AP3B2: variants seen among roughly 807,000 people sequenced by gnomAD.
AP3B2 encodes adaptor related protein complex 3 subunit beta 2.
AP3B2 carries 50 observed loss-of-function variants against 126.9 expected under a neutral mutation model. The observed-to-expected ratio is 0.39, with a 90% CI of 0.31 to 0.50. The LOEUF (loss-of-function observed/expected upper bound fraction) is 0.50. Among genes scored for constraint, AP3B2 ranks in the 20% least tolerant of loss-of-function variants. The pLI, the probability that AP3B2 is intolerant of heterozygous loss-of-function variation, is 0.79. For missense variants in AP3B2, 1,177 were observed against 1,426.4 expected, an observed-to-expected ratio of 0.83 and a Z score of 2.82; for synonymous variants, 541 against 565.0, an observed-to-expected ratio of 0.96 and a Z score of 0.60.
rs1278747583 is a variant in AP3B2, at chr15:82,680,424, G to A, written c.1055+48C>T. 1.4e-6 allele frequency: 2 copies of A among 1,449,060 alleles called. No individual in the cohort carries two copies. Among genetic ancestry groups the A allele is most frequent in the South Asian group, 1.4e-5 (1 of 70,768 alleles). 89.8% of individuals were successfully genotyped at this position (1,449,060 alleles called of 1,614,324 possible). A position where few individuals can be genotyped will look rare whatever the true frequency, so the allele number is the denominator to read the frequency against. ...GGGGGCGGAGCCGGGCAGCCCGTGG[G>A]GCGGGGCAGGAGGCGAGGGAGGGGG... is the stretch of plus-strand genomic sequence containing the variant. On this transcript the variant is annotated intron_variant, in intron 8 of 26. Transcript: ENST00000535359. The surrounding 1 kb of genome is among the most constrained non-coding windows in gnomAD (Gnocchi z 6.1).
At position 82,709,748 on chromosome 15, in the gene AP3B2, C is replaced by T. The variant is rs2048854118; in HGVS notation, c.-42G>A. ...CTTCGCCGAGGAGGAGGTTGCGGGGCCGGAGGCCGGCTGGAGCGGAGGAAG... is the reference window on the plus strand; with the variant it reads ...CTTCGCCGAGGAGGAGGTTGCGGGGTCGGAGGCCGGCTGGAGCGGAGGAAG... On this transcript the variant is annotated 5_prime_UTR_variant, in exon 1 of 27. Transcript: ENST00000535359. 7.1e-7 allele frequency: 1 copy of T among 1,414,798 alleles called. No individual in the cohort carries two copies. The allele number at this position is 1,414,798 out of a possible 1,614,324, so 87.6% of individuals were successfully genotyped here. A position where few individuals can be genotyped will look rare whatever the true frequency, so the allele number is the denominator to read the frequency against.
intron 15 of AP3B2, among the ~76,000 whole-genome samples, chr15:82,666,105 G>A (rs867858513): frequency 2.0e-5 from 3 of 152,220 alleles, no homozygotes; most frequent in African/African-American, 7.2e-5. Flanking sequence ...GAAAAAGAAC[G>A]AAAAGATACC....
chr15:82,662,285 GA>G, intron 23 of AP3B2, 33 bp from the exon 24 acceptor site: 3 of 1,514,474 alleles, frequency 2.0e-6, no homozygotes, highest in Non-Finnish European at 2.7e-6. Flanking sequence ...AGGGGAGAGG[GA>G]GGGCCACCAT....
At chr15:82,704,180 T>C (rs952708450) in intron 1 of AP3B2, among the ~76,000 whole-genome samples, 4 of 152,218 alleles carry the variant, frequency 2.6e-5, no homozygotes, top group Non-Finnish European at 5.9e-5. Context: ...CATGGCTCGT[T>C]GGGCAGCAAC....
At chr15:82,662,002 C>CT in intron 24 of AP3B2, 80 bp from the exon 25 acceptor site, 1 of 1,416,538 alleles carries the variant, frequency 7.1e-7, no homozygotes, top group Non-Finnish European at 9.8e-7. Flanking sequence ...AGAGGCACAG[C>CT]TTGGAGGCAG....
At position 82,666,945 on chromosome 15, in the gene AP3B2, G is replaced by A. The variant is rs376317265; in HGVS notation, c.1666-12C>T. 2.5e-6 allele frequency: 4 copies of A among 1,602,286 alleles called. No homozygotes were observed. In the Admixed American group the frequency reaches 5.0e-5, roughly 20 times the overall value. On this transcript the variant is annotated splice_polypyrimidine_tract_variant and intron_variant, in intron 14 of 26. Transcript: ENST00000535359. ...GTCAGCAGCTTGGTCTGGAGGAACAGGAAGAGGTGGGTCAGCTGACGGGGG... is the reference window on the plus strand; with the variant it reads ...GTCAGCAGCTTGGTCTGGAGGAACAAGAAGAGGTGGGTCAGCTGACGGGGG...
chr15:82,668,263 C>T (rs1478692903), intron 14 of AP3B2, among the ~76,000 whole-genome samples: 1 of 152,246 alleles, frequency 6.6e-6, no homozygotes, highest in Non-Finnish European at 1.5e-5. Context: ...CAAAGCAGCA[C>T]CTGCGATACT....
At chr15:82,663,481 A>C in intron 21 of AP3B2, 79 bp downstream of exon 21, 1 of 1,502,630 alleles carries the variant, frequency 6.7e-7, no homozygotes, top group Non-Finnish European at 9.2e-7. Context: ...GAGGAACCCG[A>C]TCCAGAGTCC....
At chr15:82,706,274 A>C (rs1369132164) in intron 1 of AP3B2, among the ~76,000 whole-genome samples, 1 of 152,076 alleles carries the variant, frequency 6.6e-6, no homozygotes, top group Non-Finnish European at 1.5e-5. Context: ...AGCTTAACTC[A>C]TTGCCTTAAC....
At position 82,661,860 on chromosome 15, in the gene AP3B2, A is replaced by T. The variant is rs1378172122; in HGVS notation, c.2981T>A (p.Val994Glu). ...CTTAAACTCATTTTCACTCATGAAC[A>T]CAGGGGCCATCAGCTCCCCAACAGG... ...QPPVGELMAPVFMSENEFKKE... is the reference protein window; with the variant it reads ...QPPVGELMAPEFMSENEFKKE... Residue 994 changes from valine to glutamate, a missense_variant, in exon 25 of 27, where the codon GTG (valine) becomes GAG (glutamate). Coordinates refer to ENST00000535359, the MANE Select transcript of AP3B2 (RefSeq NM_001278512.2). 1.2e-6 allele frequency: 2 copies of T among 1,613,704 alleles called. No homozygotes were observed. Among genetic ancestry groups the T allele is most frequent in the Non-Finnish European group, 1.7e-6 (2 of 1,179,852 alleles).
chr15:82,697,963 G>C (rs1435384196), intron 1 of AP3B2: 1 of 152,500 alleles, frequency 6.6e-6, no homozygotes, highest in Non-Finnish European at 1.5e-5. Context: ...GGGTAGGCGT[G>C]GGCAGCACCG....
intron 4 of AP3B2, among the ~76,000 whole-genome samples, chr15:82,682,326 T>A (rs1411719427): frequency 6.6e-6 from 1 of 152,140 alleles, no homozygotes; most frequent in African/African-American, 2.4e-5. Flanking sequence ...GTACTGGGAT[T>A]ACAGACGTGA....
rs775575626 is a variant in AP3B2, at chr15:82,676,647, T to C, written c.1489-10A>G. The C allele has an allele frequency of 1.2e-6, 2 of 1,613,290 alleles. No homozygotes were observed. Among genetic ancestry groups the C allele is most frequent in the Non-Finnish European group, 1.7e-6 (2 of 1,179,596 alleles). On this transcript the variant is annotated splice_polypyrimidine_tract_variant and intron_variant, in intron 13 of 26. Coordinates refer to ENST00000535359, the MANE Select transcript of AP3B2 (RefSeq NM_001278512.2). ...CTCGGGCCATGGGCACCTGTGGTTG[T>C]GGGAGAGGAGTGAAGATGGGTAAAT...
intron 1 of AP3B2, chr15:82,691,876 G>A: frequency 7.9e-7 from 1 of 1,258,746 alleles, no homozygotes; most frequent in Non-Finnish European, 1.2e-6. Context: ...TATCATGAGA[G>A]TGGAATTTAG....
chr15:82,661,896 G>C lies in AP3B2; in HGVS notation c.2945C>G (p.Ser982Cys), dbSNP rs374009506. Residue 982 changes from serine (S) to cysteine (C), a missense_variant, in exon 25 of 27, where the codon TCC (serine) becomes TGC (cysteine). Physicochemically the swap from Ser to Cys is moderately radical, Grantham distance 112 (BLOSUM62 -1). Around this residue, in one of 5 missense-constraint regions of AP3B2, gnomAD observed 587 missense variants for 571.3 expected, o/e 1.03. Transcript: ENST00000535359. ...CAGCTCCCCAACAGGTGGCTGAATG[G>C]AGACGTAGAACTGTCGGGTCTGGGT... ...LCTQTRQFYV[S>C]IQPPVGELMA... 6.2e-7 allele frequency: 1 copy of C among 1,613,780 alleles called. No individual in the cohort carries two copies. The highest frequency in any genetic ancestry group is 1.3e-5 in the African/African-American group (1 of 74,914).
chr15:82,702,766 C>T (rs1317919806), intron 1 of AP3B2, among the ~76,000 whole-genome samples: 1 of 152,130 alleles, frequency 6.6e-6, no homozygotes, highest in Non-Finnish European at 1.5e-5. Flanking sequence ...TTCACATGGA[C>T]GTGCGTGAAA....
Position 82,703,818 on chromosome 15 carries a change from G to A in AP3B2, c.113+5776C>T, listed in dbSNP as rs184367830. ...CAGTCCCAACCCCAAGCGTCGCTGC[G>A]TCTTTTCAATCTTCCAATCTTCCTT... is the stretch of plus-strand genomic sequence containing the variant. On this transcript the variant is annotated intron_variant, in intron 1 of 26. Transcript: ENST00000535359. 9.2e-5 allele frequency among the ~76,000 whole-genome samples: 14 copies of A among 152,094 alleles called. No individual in the cohort carries two copies. The East Asian group carries it at 9.7e-4, about 11-fold the overall frequency.
intron 1 of AP3B2, among the ~76,000 whole-genome samples, chr15:82,694,808 G>A (rs977344099): frequency 3.3e-5 from 5 of 152,086 alleles, no homozygotes; most frequent in South Asian, 2.1e-4. Context: ...TTCTTCTATA[G>A]CCTCTTTCTT....
chr15:82,674,537 C>G (rs2048212398), intron 14 of AP3B2, among the ~76,000 whole-genome samples: 1 of 152,216 alleles, frequency 6.6e-6, no homozygotes, highest in South Asian at 2.1e-4. Flanking sequence ...GCTGTGCCAA[C>G]CCTGATGACA....
Sources: gnomAD v4.1 joint callset for allele counts (sites outside exome capture counted in the v4.1 genomes callset) on GRCh38, gnomAD v4.1.1 for gene constraint, gnomAD v4.1.1 regional missense constraint, Gnocchi (gnomAD v3.1) non-coding constraint, MANE v1.5 for transcripts, NCBI Gene and HGNC (gene_info 2026-07-23, HGNC 2026-07-21) for gene names.